TCEA3: variants seen among roughly 807,000 people sequenced by gnomAD.
TCEA3 encodes the protein transcription elongation factor A protein 3.
Under a neutral mutation model 44.0 loss-of-function variants are expected in TCEA3, and 36 were observed. The ratio of observed to expected loss-of-function variants is 0.82; its 90% CI spans 0.63 to 1.08. The LOEUF is 1.08. Ranked by LOEUF, TCEA3 falls within the 50% of genes least tolerant of loss-of-function variation. TCEA3 has a pLI of 0.00. For missense variants in TCEA3, 392 were observed against 441.2 expected (o/e 0.89, Z 1.00); for synonymous variants, 162 against 159.7 (o/e 1.01, Z -0.11).
intron 9 of TCEA3, among the ~76,000 whole-genome samples, chr1:23,386,580 CAG>C (rs1249100150): frequency 1.3e-5 from 2 of 151,788 alleles, no homozygotes; most frequent in Non-Finnish European, 2.9e-5. Context: ...TGGTTTGAGA[CAG>C]AGTCTCCCTC....
intron 8 of TCEA3, among the ~76,000 whole-genome samples, chr1:23,393,658 A>G (rs1447139770): frequency 3.9e-5 from 6 of 152,236 alleles, no homozygotes; most frequent in African/African-American, 1.4e-4. Context: ...TGTGAACATA[A>G]ACTTGGCCAA....
intron 4 of TCEA3, among the ~76,000 whole-genome samples, chr1:23,409,605 T>C (rs1639653010): frequency 1.3e-5 from 2 of 152,066 alleles, no homozygotes; most frequent in African/African-American, 4.8e-5. Context: ...AGTGCAGTGG[T>C]GCTATCTCGG....
intron 4 of TCEA3, 105 bp downstream of exon 4, chr1:23,417,144 C>G: frequency 3.6e-6 from 5 of 1,404,378 alleles, no homozygotes; most frequent in East Asian, 2.3e-5. Context: ...ATACCAATAT[C>G]TTCCTCCCCA....
intron 2 of TCEA3, among the ~76,000 whole-genome samples, chr1:23,418,503 G>A (rs1241238243): frequency 1.3e-5 from 2 of 152,108 alleles, no homozygotes; most frequent in African/African-American, 4.8e-5. Context: ...GTAGAAACGG[G>A]GTTTCACCAT....
At chr1:23,384,013 G>C (rs935838423) in intron 10 of TCEA3, 80 of 1,168,440 alleles carry the variant, frequency 6.8e-5, no homozygotes, top group Non-Finnish European at 8.0e-5. Context: ...AAGAGGCGTG[G>C]TCCAAGTGCA....
At chr1:23,405,651 A>T (rs565704005) in intron 5 of TCEA3, among the ~76,000 whole-genome samples, 5 of 152,070 alleles carry the variant, frequency 3.3e-5, no homozygotes, top group Non-Finnish European at 5.9e-5. Flanking sequence ...TCCTACCCTC[A>T]GTACTGAACC....
At chr1:23,411,247 C>T (rs1639697136) in intron 4 of TCEA3, 1 of 152,224 alleles carries the variant, frequency 6.6e-6, no homozygotes, top group Non-Finnish European at 1.5e-5. Flanking sequence ...ACCTCCATCC[C>T]CTGGGTTCAA....
chr1:23,387,524 T>C (rs769397403), intron 8 of TCEA3, 105 bp from the exon 9 acceptor site: 2 of 1,334,352 alleles, frequency 1.5e-6, no homozygotes, highest in East Asian at 2.5e-5. Flanking sequence ...ACATGCTTTA[T>C]TGACTGCAAG....
At chr1:23,389,616 C>G (rs1195273269) in intron 8 of TCEA3, among the ~76,000 whole-genome samples, 2 of 152,146 alleles carry the variant, frequency 1.3e-5, no homozygotes, top group South Asian at 4.1e-4. Flanking sequence ...CGTCACTGCA[C>G]TCCAGCCTGG....
chr1:23,410,950 G>GT, intron 4 of TCEA3: 1 of 180,146 alleles, frequency 5.6e-6, no homozygotes, highest in South Asian at 1.3e-4. Flanking sequence ...GGACAAGTGG[G>GT]TTAGGACCTT....
chr1:23,399,136 G>GTATATATATATATA (rs1191975371), intron 5 of TCEA3, among the ~76,000 whole-genome samples: 2 of 58,660 alleles, frequency 3.4e-5, no homozygotes, highest in African/African-American at 7.5e-5. Context: ...TTATATATAT[G>GTATATATATATATA]TATATATGTA....
At chr1:23,415,237 G>A (rs977843724) in intron 4 of TCEA3, among the ~76,000 whole-genome samples, 3 of 151,888 alleles carry the variant, frequency 2.0e-5, no homozygotes, top group African/African-American at 7.3e-5. Flanking sequence ...TGGCCAGGCT[G>A]GTCTCGAACT....
chr1:23,423,625 A>G (rs1356753594), intron 1 of TCEA3, among the ~76,000 whole-genome samples: 2 of 152,202 alleles, frequency 1.3e-5, no homozygotes, highest in African/African-American at 4.8e-5. Flanking sequence ...TGGGAGGAAG[A>G]GGACCCTGGA....
At chr1:23,422,333 C>G (rs1640089919) in intron 1 of TCEA3, among the ~76,000 whole-genome samples, 1 of 152,148 alleles carries the variant, frequency 6.6e-6, no homozygotes, top group Non-Finnish European at 1.5e-5. Context: ...GCTTGTTTAA[C>G]TACTGTGTTG....
chr1:23,397,525 C>T lies in TCEA3; in HGVS notation c.664+20G>A, dbSNP rs1440190969. 9.9e-6 allele frequency: 16 copies of T among 1,612,394 alleles called. No individual in the cohort carries two copies. The highest frequency in any genetic ancestry group is 1.3e-5 in the Non-Finnish European group (15 of 1,179,102). Reference sequence around the variant, plus strand: ...CTAGACGGTGCAGACACCCACAGCCCCGGCACAGTTCAAGGATATGATCTT... The same window carrying T: ...CTAGACGGTGCAGACACCCACAGCCTCGGCACAGTTCAAGGATATGATCTT... On this transcript the variant is annotated intron_variant, in intron 7 of 10. Coordinates refer to ENST00000450454, the MANE Select transcript of TCEA3 (RefSeq NM_003196.3).
chr1:23,388,975 G>A (rs990772099), intron 8 of TCEA3, among the ~76,000 whole-genome samples: 1 of 152,154 alleles, frequency 6.6e-6, no homozygotes. Flanking sequence ...GAGCCACTGC[G>A]CCTGGCCAGA....
At chr1:23,419,783 C>A (rs1325462244) in intron 1 of TCEA3, among the ~76,000 whole-genome samples, 1 of 152,152 alleles carries the variant, frequency 6.6e-6, no homozygotes, top group East Asian at 1.9e-4. Flanking sequence ...TTACAGTGAG[C>A]CAAGATCACA....
At chr1:23,381,585 C>T in intron 10 of TCEA3, 111 bp from the exon 11 acceptor site, 1 of 744,726 alleles carries the variant, frequency 1.3e-6, no homozygotes. Context: ...AGACCAGAGT[C>T]CAAAGCCCAG....
Position 23,417,247 on chromosome 1 carries a change from A to G in TCEA3, c.380+2T>C. ...CCTTCTCTCCATCCCAAAAAAGAAT[A>G]CCTGGTTTTGGGGTCTTCTCGTTTT... On this transcript the variant is annotated splice_donor_variant, in intron 4 of 10. Transcript: ENST00000450454. LOFTEE classifies it high-confidence loss of function. The G allele has an allele frequency of 6.2e-7, 1 of 1,612,214 alleles. No homozygotes were observed. The highest frequency in any genetic ancestry group is 8.5e-7 in the Non-Finnish European group (1 of 1,179,488).
Sources: gnomAD v4.1 joint callset for allele counts (sites outside exome capture counted in the v4.1 genomes callset) on GRCh38, gnomAD v4.1.1 for gene constraint, MANE v1.5 for transcripts, NCBI Gene and HGNC (gene_info 2026-07-23, HGNC 2026-07-21) for gene names.